The following EPHB2 variants were observed in gnomAD, a reference collection of about 807,000 sequenced individuals.
The protein encoded by EPHB2 is EPH receptor B2.
In EPHB2, 18 loss-of-function variants were observed where a neutral mutation model predicts 96.4. That is an observed-to-expected ratio of 0.19 (90% CI 0.13 to 0.28). The LOEUF (loss-of-function observed/expected upper bound fraction) is 0.28, where lower values mean the gene tolerates loss of function less well. Among genes scored for constraint, EPHB2 ranks in the 10% least tolerant of loss-of-function variants. EPHB2 has a pLI of 1.00. For synonymous variants in EPHB2, 506 were observed against 534.1 expected, an observed-to-expected ratio of 0.95 and a Z score of 0.72; for missense variants, 989 against 1,355.4, an observed-to-expected ratio of 0.73 and a Z score of 4.25.
intron 3 of EPHB2, among the ~76,000 whole-genome samples, chr1:22,857,229 A>C (rs1441539341): frequency 1.3e-5 from 2 of 152,162 alleles, no homozygotes; most frequent in Non-Finnish European, 2.9e-5. Context: ...TATTTACACC[A>C]CACAAATTGG....
intron 13 of EPHB2, 150 bp downstream of exon 13, chr1:22,909,321 A>T: frequency 8.0e-7 from 1 of 1,249,668 alleles, no homozygotes; most frequent in Middle Eastern, 1.9e-4. Flanking sequence ...TGCCAGCCCA[A>T]TGGTGGCTGA....
At chr1:22,736,799 G>A (rs1014664991) in intron 1 of EPHB2, among the ~76,000 whole-genome samples, 18 of 152,206 alleles carry the variant, frequency 1.2e-4, no homozygotes, top group African/African-American at 3.9e-4. Flanking sequence ...GCCGCAGGGG[G>A]TCACCCTGCC....
intron 1 of EPHB2, among the ~76,000 whole-genome samples, chr1:22,776,777 T>C (rs1212968614): frequency 6.6e-6 from 1 of 152,224 alleles, no homozygotes; most frequent in Non-Finnish European, 1.5e-5. Context: ...TAGTTGGAAA[T>C]GGCTAAAGTC....
At chr1:22,808,130 A>G (rs1644952697) in intron 3 of EPHB2, among the ~76,000 whole-genome samples, 1 of 141,584 alleles carries the variant, frequency 7.1e-6, no homozygotes, top group Admixed American at 7.0e-5. Context: ...CAAGACTGTC[A>G]CAAAAAAAAA....
intron 3 of EPHB2, among the ~76,000 whole-genome samples, chr1:22,811,943 G>A (rs978455214): frequency 6.6e-6 from 1 of 152,238 alleles, no homozygotes; most frequent in Non-Finnish European, 1.5e-5. Context: ...GGAGGCTGAG[G>A]TAGGTGGATC....
chr1:22,755,087 G>C (rs114956883), intron 1 of EPHB2, among the ~76,000 whole-genome samples: 3,064 of 152,198 alleles, frequency 0.02, 110 homozygotes, highest in African/African-American at 0.07. Flanking sequence ...AGGTGTTAAC[G>C]TCTCAGCAGC....
intron 5 of EPHB2, among the ~76,000 whole-genome samples, chr1:22,878,926 T>C (rs1281532966): frequency 1.3e-5 from 2 of 152,232 alleles, no homozygotes; most frequent in Non-Finnish European, 2.9e-5. Flanking sequence ...TCTGTGTGTC[T>C]GATGCTCCAT....
chr1:22,912,522 C>T lies in EPHB2; in HGVS notation c.2775C>T (p.Ile925=), dbSNP rs149030035. The part of the protein sequence containing the change: ...FNTVDEWLEA[I]KMGQYKESFA... ...CGGTGGACGAGTGGCTGGAGGCCAT[C>T]AAGATGGGGCAGTACAAGGAGAGCT... is the stretch of plus-strand genomic sequence containing the variant. The change falls in exon 15 of 16, where the codon ATC becomes ATT. Residue 925 remains isoleucine, a synonymous_variant. Coordinates refer to ENST00000374630, the MANE Select transcript of EPHB2 (RefSeq NM_017449.5). 9 of 1,614,012 alleles carry T rather than the reference C, an allele frequency of 5.6e-6. No homozygotes were observed. The highest frequency in any genetic ancestry group is 3.3e-5 in the Admixed American group (2 of 59,994).
At chr1:22,824,498 T>G (rs1645195770) in intron 3 of EPHB2, among the ~76,000 whole-genome samples, 1 of 151,890 alleles carries the variant, frequency 6.6e-6, no homozygotes, top group African/African-American at 2.4e-5. Context: ...TCTCTGGCGG[T>G]GCCAATATTC....
At chr1:22,786,371 T>G (rs1034682393) in intron 3 of EPHB2, among the ~76,000 whole-genome samples, 3 of 152,156 alleles carry the variant, frequency 2.0e-5, no homozygotes, top group Admixed American at 1.3e-4. Context: ...TGAAGCTACT[T>G]GTGTCATGTC....
Position 22,905,468 on chromosome 1 carries a change from G to A in EPHB2, c.1766-519G>A, listed in dbSNP as rs114385244. ...GGCTGGGCAGCTAGAAAGGGACCCT[G>A]GGGGAAGAGGAGGCTTGAATTAGGC... On this transcript the variant is annotated intron_variant, in intron 9 of 15. Transcript: ENST00000374630. 3.4e-3 allele frequency among the ~76,000 whole-genome samples: 520 copies of A among 152,194 alleles called. 2 individuals are homozygous for A. The highest frequency in any genetic ancestry group is 5.3e-3 in the Non-Finnish European group (362 of 67,996).
intron 12 of EPHB2, among the ~76,000 whole-genome samples, 191 bp from the exon 13 acceptor site, chr1:22,908,831 G>T (rs1639999048): frequency 6.6e-6 from 1 of 152,160 alleles, no homozygotes; most frequent in Admixed American, 6.5e-5. Context: ...GTTTCCAGAT[G>T]GCAGAGTGGG....
At chr1:22,736,921 C>G (rs930452570) in intron 1 of EPHB2, among the ~76,000 whole-genome samples, 2 of 152,148 alleles carry the variant, frequency 1.3e-5, no homozygotes, top group Non-Finnish European at 2.9e-5. Flanking sequence ...CTCGGATCAG[C>G]CGCCACCTTG....
chr1:22,837,484 T>G (rs1289336002), intron 3 of EPHB2, among the ~76,000 whole-genome samples: 1 of 152,152 alleles, frequency 6.6e-6, no homozygotes, highest in Non-Finnish European at 1.5e-5. Flanking sequence ...TCTCTAGTCC[T>G]GAAGAATTTG....
Position 22,785,142 on chromosome 1 carries a change from G to A in EPHB2, c.811+66G>A, listed in dbSNP as rs1644592954. 6 of 1,585,940 alleles carry A rather than the reference G, an allele frequency of 3.8e-6. No homozygotes were observed. The South Asian group carries it at 5.6e-5, about 15-fold the overall frequency. ...GAACTGGTCTTGGCTGCAGACTCGG[G>A]CTGCAGACTTGGGCCTGGCCTCTGA... is the stretch of plus-strand genomic sequence containing the variant. On this transcript the variant is annotated intron_variant, in intron 3 of 15. Coordinates refer to ENST00000374630, the MANE Select transcript of EPHB2 (RefSeq NM_017449.5).
intron 3 of EPHB2, among the ~76,000 whole-genome samples, chr1:22,816,531 C>T (rs1464492174): frequency 6.6e-6 from 1 of 152,182 alleles, no homozygotes; most frequent in Non-Finnish European, 1.5e-5. Context: ...CCTTGGCTCA[C>T]GCTGTTCCCT....
At chr1:22,818,104 G>A (rs1245276465) in intron 3 of EPHB2, among the ~76,000 whole-genome samples, 1 of 151,884 alleles carries the variant, frequency 6.6e-6, no homozygotes, top group African/African-American at 2.4e-5. Context: ...CTGATCCTTA[G>A]TCTGTCGCTT....
intron 3 of EPHB2, among the ~76,000 whole-genome samples, chr1:22,841,674 T>G (rs1570369474): frequency 6.6e-6 from 1 of 152,046 alleles, no homozygotes; most frequent in South Asian, 2.1e-4. Flanking sequence ...GTTTCGGGGG[T>G]GACTCAGTCT....
At chr1:22,765,168 C>T (rs558440700) in intron 1 of EPHB2, among the ~76,000 whole-genome samples, 1 of 152,080 alleles carries the variant, frequency 6.6e-6, no homozygotes, top group Non-Finnish European at 1.5e-5. Flanking sequence ...GAGCCTTGGC[C>T]CAGAACTCTG....
Sources: gnomAD v4.1 joint callset for allele counts (sites outside exome capture counted in the v4.1 genomes callset) on GRCh38, gnomAD v4.1.1 for gene constraint, MANE v1.5 for transcripts, NCBI Gene and HGNC (gene_info 2026-07-23, HGNC 2026-07-21) for gene names.